Variants in DMD observed in about 807,000 individuals in gnomAD.
The protein encoded by DMD is mutant dystrophin.
Under a neutral mutation model 330.1 loss-of-function variants are expected in DMD, and 63 were observed. That is an observed-to-expected ratio of 0.19 (90% CI 0.16 to 0.24). The LOEUF (loss-of-function observed/expected upper bound fraction) is 0.24, where lower values mean the gene tolerates loss of function less well. Ranked by LOEUF, DMD falls within the 10% of genes least tolerant of loss-of-function variation. The pLI is 1.00. For missense variants in DMD, 3,344 were observed against 2,684.1 expected, an observed-to-expected ratio of 1.25 and a Z score of -5.43; for synonymous variants, 1,223 against 959.8, an observed-to-expected ratio of 1.27 and a Z score of -5.07.
In DMD at chrX:33,276,228, G is replaced by T. The variant is rs34106226; in HGVS notation, c.7+63031C>A. On this transcript the variant is annotated intron_variant, in intron 1 of 17. Coordinates refer to the DMD transcript ENST00000288447. ...CCATTTGAGGAGTTCATTAACATGCGTTTAAATTCAGGTTCCAGTGCATGA... is the reference window on the plus strand; with the variant it reads ...CCATTTGAGGAGTTCATTAACATGCTTTTAAATTCAGGTTCCAGTGCATGA... 3.7e-3 allele frequency among the ~76,000 whole-genome samples: 418 copies of T among 111,543 alleles called. 3 individuals are homozygous for T. In the East Asian group the frequency reaches 0.072, roughly 19 times the overall value.
At chrX:31,220,651 G>A (rs2045911194) in intron 64 of DMD, among the ~76,000 whole-genome samples, 1 of 110,906 alleles carries the variant, frequency 9.0e-6, no homozygotes, top group African/African-American at 3.3e-5. Flanking sequence ...GTTACAAGCA[G>A]CACCTACAGG....
At chrX:32,276,063 G>A (rs2097385473) in intron 43 of DMD, among the ~76,000 whole-genome samples, 1 of 112,191 alleles carries the variant, frequency 8.9e-6, no homozygotes, top group South Asian at 3.7e-4. Context: ...TGCACTTTTG[G>A]AAGGGACAGT....
intron 1 of DMD, among the ~76,000 whole-genome samples, chrX:33,021,556 C>T (rs2093915064): frequency 9.0e-6 from 1 of 111,301 alleles, no homozygotes; most frequent in Non-Finnish European, 1.9e-5. Flanking sequence ...ATCTCCGTTG[C>T]TTCTCTTAAA....
chrX:32,656,414 G>A (rs1420489902), intron 9 of DMD, among the ~76,000 whole-genome samples: 1 of 111,685 alleles, frequency 9.0e-6, no homozygotes, highest in African/African-American at 3.3e-5. Flanking sequence ...TTTAAGAGAA[G>A]TAAGTCTGAA....
In DMD at chrX:32,855,996, A is replaced by T. The variant is rs146510064; in HGVS notation, c.94-6176T>A. 2.3e-3 allele frequency among the ~76,000 whole-genome samples: 263 copies of T among 112,220 alleles called. 2 individuals carry two copies. Among genetic ancestry groups the T allele is most frequent in the African/African-American group, 8.2e-3 (255 of 30,914 alleles). On this transcript the variant is annotated intron_variant, in intron 2 of 78. Transcript: ENST00000357033. ...TATATATAATCATCTGATTGAAAGA[A>T]GGGCAAAAATTTGAATAGAGATTTC...
intron 51 of DMD, among the ~76,000 whole-genome samples, chrX:31,768,369 C>CTCTTTTGT (rs2090131544): frequency 9.1e-6 from 1 of 109,993 alleles, no homozygotes; most frequent in African/African-American, 3.3e-5. Flanking sequence ...TTCCTCACTC[C>CTCTTTTGT]TCTTTTGTCC....
In DMD at chrX:32,673,093, T is replaced by G. The variant is rs767165467; in HGVS notation, c.960+24777A>C. ...TGTGTCTGCATATTTCAAGTTTTCTTGAGAAGAGTTTTCCATTATTGTACC... is the reference window on the plus strand; with the variant it reads ...TGTGTCTGCATATTTCAAGTTTTCTGGAGAAGAGTTTTCCATTATTGTACC... On this transcript the variant is annotated intron_variant, in intron 9 of 78. Transcript: ENST00000357033. 2.5e-4 allele frequency among the ~76,000 whole-genome samples: 28 copies of G among 111,220 alleles called. No homozygotes were observed. In the South Asian group the frequency reaches 9.4e-3, roughly 37 times the overall value.
At chrX:31,242,929 C>G (rs985639507) in intron 63 of DMD, among the ~76,000 whole-genome samples, 3 of 111,299 alleles carry the variant, frequency 2.7e-5, no homozygotes, top group Non-Finnish European at 5.7e-5. Context: ...GTTCCACCAC[C>G]GGCCACAAGT....
chrX:32,108,570 T>C (rs906844858), intron 44 of DMD, among the ~76,000 whole-genome samples: 1 of 111,716 alleles, frequency 9.0e-6, no homozygotes, highest in Non-Finnish European at 1.9e-5. Context: ...GAGTTAATGA[T>C]ACTGAGGGAC....
chrX:32,176,805 C>A (rs2096908209), intron 44 of DMD, among the ~76,000 whole-genome samples: 1 of 111,290 alleles, frequency 9.0e-6, no homozygotes, highest in Non-Finnish European at 1.9e-5. Context: ...ACATTCATTT[C>A]TCTGACTACC....
At chrX:31,146,462 A>G (rs1802281381) in intron 75 of DMD, 48 bp from the exon 76 acceptor site, 2 of 1,160,382 alleles carry the variant, frequency 1.7e-6, no homozygotes, top group African/African-American at 3.6e-5. Context: ...ATAAACATAC[A>G]AATGTATAAA....
intron 11 of DMD, among the ~76,000 whole-genome samples, chrX:32,633,251 G>A (rs1291011425): frequency 9.0e-6 from 1 of 111,367 alleles, no homozygotes; most frequent in African/African-American, 3.3e-5. Context: ...TCAGACACAC[G>A]AGATCATCAC....
chrX:32,979,072 C>T (rs1205977811), intron 2 of DMD, among the ~76,000 whole-genome samples: 1 of 112,212 alleles, frequency 8.9e-6, no homozygotes, highest in Non-Finnish European at 1.9e-5. Flanking sequence ...GGGATCAATT[C>T]TTAATTTTGT....
chrX:32,863,532 G>GTT (rs2082239625), intron 2 of DMD, among the ~76,000 whole-genome samples: 1 of 36,335 alleles, frequency 2.8e-5, no homozygotes, highest in African/African-American at 2.9e-4. Context: ...AAAAGATTGT[G>GTT]TTTATACACA....
intron 44 of DMD, among the ~76,000 whole-genome samples, chrX:32,123,039 G>A (rs965545798): frequency 9.4e-6 from 1 of 106,250 alleles, no homozygotes; most frequent in African/African-American, 3.4e-5. Flanking sequence ...CAGTGAAGAC[G>A]CTTTGACCTT....
At chrX:32,237,778 T>C (rs915365246) in intron 43 of DMD, among the ~76,000 whole-genome samples, 11 of 112,013 alleles carry the variant, frequency 9.8e-5, no homozygotes, top group African/African-American at 3.6e-4. Flanking sequence ...GGTAGAATGA[T>C]AGAATACTAG....
At chrX:32,305,186 G>C (rs752498722) in intron 42 of DMD, among the ~76,000 whole-genome samples, 52 of 111,629 alleles carry the variant, frequency 4.7e-4, no homozygotes, top group Admixed American at 4.3e-3. Context: ...TAGAAAAGCA[G>C]TCACTTTGCT....
At chrX:32,543,656 T>C (rs2048698702) in intron 17 of DMD, among the ~76,000 whole-genome samples, 2 of 112,287 alleles carry the variant, frequency 1.8e-5, no homozygotes, top group African/African-American at 6.5e-5. Context: ...CACGGATTTG[T>C]GCCATTATGC....
At chrX:31,723,433 T>G (rs1315212806) in intron 52 of DMD, among the ~76,000 whole-genome samples, 2 of 111,232 alleles carry the variant, frequency 1.8e-5, no homozygotes. Context: ...AATCTCCAAC[T>G]CTTAGAGGCA....
Sources: allele counts gnomAD v4.1 joint callset (sites outside exome capture counted in the v4.1 genomes callset), GRCh38; gene constraint gnomAD v4.1.1; transcripts MANE v1.5; gene names NCBI Gene and HGNC (gene_info 2026-07-23, HGNC 2026-07-21).